SCNN1B: variants seen among roughly 807,000 people sequenced by gnomAD.
SCNN1B encodes the protein epithelial sodium channel subunit beta.
Under a neutral mutation model 65.3 loss-of-function variants are expected in SCNN1B, and 46 were observed. The observed-to-expected ratio is 0.70, with a 90% confidence interval of 0.56 to 0.90. SCNN1B has a LOEUF of 0.90. Among genes scored for constraint, SCNN1B ranks in the 40% least tolerant of loss-of-function variants. SCNN1B has a pLI of 0.00. For synonymous variants in SCNN1B, 349 were observed against 330.6 expected (o/e 1.06, Z -0.60); for missense variants, 751 against 830.5 (o/e 0.90, Z 1.18).
At chr16:23,379,092 C>A (rs1312640602) in intron 11 of SCNN1B, among the ~76,000 whole-genome samples, 2 of 145,480 alleles carry the variant, frequency 1.4e-5, no homozygotes, top group African/African-American at 5.5e-5. Context: ...CATCCTCCAC[C>A]CATTCATCCC....
At chr16:23,294,628 T>C (rs574742664) in intron 2 of SCNN1B, among the ~76,000 whole-genome samples, 17 of 152,268 alleles carry the variant, frequency 1.1e-4, no homozygotes, top group African/African-American at 4.1e-4. Flanking sequence ...CTTCCAGATA[T>C]CTGCAGAGCC....
intron 1 of SCNN1B, among the ~76,000 whole-genome samples, chr16:23,343,155 G>C (rs908590042): frequency 6.6e-6 from 1 of 152,010 alleles, no homozygotes; most frequent in East Asian, 1.9e-4. Context: ...AACCTGTCTC[G>C]TAAGAGAACT....
intron 1 of SCNN1B, among the ~76,000 whole-genome samples, chr16:23,307,009 A>G (rs749271046): frequency 6.6e-5 from 10 of 152,180 alleles, no homozygotes; most frequent in South Asian, 6.2e-4. Context: ...TGTTCTACAG[A>G]TGAGTTAGAC....
chr16:23,351,191 T>C (rs1962301839), intron 2 of SCNN1B, among the ~76,000 whole-genome samples: 1 of 152,214 alleles, frequency 6.6e-6, no homozygotes, highest in African/African-American at 2.4e-5. Flanking sequence ...TTAGAGCTGC[T>C]CAAGAGAATC....
intron 1 of SCNN1B, among the ~76,000 whole-genome samples, chr16:23,280,187 C>T (rs1668987441): frequency 6.6e-6 from 1 of 151,984 alleles, no homozygotes; most frequent in African/African-American, 2.4e-5. Flanking sequence ...TTACATGAAG[C>T]TTGAGAGGGA....
At chr16:23,307,184 G>A (rs1961237089) in intron 1 of SCNN1B, among the ~76,000 whole-genome samples, 3 of 152,188 alleles carry the variant, frequency 2.0e-5, no homozygotes, top group Admixed American at 2.0e-4. Context: ...CCACTCTACA[G>A]GTGTGCTGGG....
intron 2 of SCNN1B, among the ~76,000 whole-genome samples, chr16:23,351,155 AGGGTTCTTCCTGCCTTGGT>A (rs1962300719): frequency 6.6e-6 from 1 of 152,074 alleles, no homozygotes; most frequent in Admixed American, 6.5e-5. Flanking sequence ...TTCTATTAAT[AGGGTTCTTCCTGCCTTGGT>A]GGGTTCTTAG....
intron 2 of SCNN1B, among the ~76,000 whole-genome samples, chr16:23,349,565 G>A (rs1463343068): frequency 6.6e-6 from 1 of 151,848 alleles, no homozygotes; most frequent in Non-Finnish European, 1.5e-5. Context: ...AAAATCATAA[G>A]TTTCCTAGGC....
chr16:23,309,410 T>TGATAGATAGATA (rs58532372), intron 1 of SCNN1B, among the ~76,000 whole-genome samples: 4,807 of 150,904 alleles, frequency 0.032, 92 homozygotes, highest in African/African-American at 0.05. Context: ...AGATAAATGA[T>TGATAGATAGATA]GATAGATAGA....
At chr16:23,355,246 G>T in intron 3 of SCNN1B, 53 bp from the exon 4 acceptor site, 2 of 1,576,626 alleles carry the variant, frequency 1.3e-6, no homozygotes, top group East Asian at 2.2e-5. Context: ...AGTGGCTGGG[G>T]TCCTGCTAGC....
At chr16:23,365,587 G>GAGAAAGAAAGAAAGAAAGAA (rs1555488905) in intron 4 of SCNN1B, among the ~76,000 whole-genome samples, 18 of 86,958 alleles carry the variant, frequency 2.1e-4, no homozygotes, top group Admixed American at 1.2e-3. Context: ...AAGAAAGAAA[G>GAGAAAGAAAGAAAGAAAGAA]AGAAAGAAAG....
At chr16:23,317,342 G>A (rs544999147) in intron 1 of SCNN1B, among the ~76,000 whole-genome samples, 39 of 152,364 alleles carry the variant, frequency 2.6e-4, no homozygotes, top group African/African-American at 8.7e-4. Context: ...CACTCAGGGT[G>A]TCTGGTTGGT....
At chr16:23,375,997 C>A in intron 8 of SCNN1B, 142 bp downstream of exon 8, 2 of 638,358 alleles carry the variant, frequency 3.1e-6, no homozygotes, top group Non-Finnish European at 5.7e-6. Context: ...TGAGGTCCCT[C>A]CTATGATCCC....
rs546347078 is a variant in SCNN1B at position 23,337,957 on chromosome 16, A to T, written c.-8-10635A>T. ...CCGGGTGGCACGCACCTGTAGTCCC[A>T]GCTACTTAGGACACTGAGGTGGGAG... On this transcript the variant is annotated intron_variant, in intron 1 of 12. Coordinates refer to ENST00000343070, the MANE Select transcript of SCNN1B (RefSeq NM_000336.3). Among the ~76,000 whole-genome samples the T allele has an allele frequency of 8.5e-5, 13 of 152,272 alleles. No individual in the cohort carries two copies. In the East Asian group the frequency reaches 2.3e-3, roughly 27 times the overall value.
At chr16:23,305,190 G>T (rs761196208) in intron 1 of SCNN1B, among the ~76,000 whole-genome samples, 5 of 152,022 alleles carry the variant, frequency 3.3e-5, no homozygotes, top group Non-Finnish European at 5.9e-5. Context: ...CCTGGTCCTG[G>T]GTTAAGACAC....
chr16:23,355,404 C>A lies in SCNN1B; in HGVS notation c.691C>A (p.Pro231Thr), dbSNP rs771178858. Reference sequence around the variant, plus strand: ...GGCCACCAACATCTTTGCACAGGTGCCACAGCAGGAGCTAGTAGAGATGAG... The same window carrying A: ...GGCCACCAACATCTTTGCACAGGTGACACAGCAGGAGCTAGTAGAGATGAG... ...LQATNIFAQV[P>T]QQELVEMSYP... The change falls in exon 4 of 13, where the codon CCA (proline) becomes ACA (threonine). Residue 231 changes from proline (P) to threonine (T), a missense_variant. By Grantham distance (38) the Pro-to-Thr change is conservative. Transcript: ENST00000343070. The A allele has an allele frequency of 1.2e-6, 2 of 1,614,174 alleles. No homozygotes were observed. The highest frequency in any genetic ancestry group is 2.2e-5 in the South Asian group (2 of 91,076).
At chr16:23,336,026 C>G (rs568581255) in intron 1 of SCNN1B, among the ~76,000 whole-genome samples, 1 of 152,132 alleles carries the variant, frequency 6.6e-6, no homozygotes, top group Non-Finnish European at 1.5e-5. Context: ...AGCTGCATGG[C>G]CCCACTTCAG....
At chr16:23,310,965 C>A (rs529218089) in intron 1 of SCNN1B, among the ~76,000 whole-genome samples, 2 of 152,320 alleles carry the variant, frequency 1.3e-5, no homozygotes, top group South Asian at 4.1e-4. Flanking sequence ...CTAACTCACA[C>A]CATGGCCCAG....
chr16:23,324,736 G>A (rs1961657378), intron 1 of SCNN1B, among the ~76,000 whole-genome samples: 2 of 152,116 alleles, frequency 1.3e-5, no homozygotes, highest in Non-Finnish European at 2.9e-5. Context: ...TCAAGGCTTG[G>A]CAGAAACTAC....
Sources: allele counts gnomAD v4.1 joint callset (sites outside exome capture counted in the v4.1 genomes callset), GRCh38; gene constraint gnomAD v4.1.1; transcripts MANE v1.5; gene names NCBI Gene and HGNC (gene_info 2026-07-23, HGNC 2026-07-21).